Variants in RYR2 observed in about 807,000 individuals in gnomAD.
The protein encoded by RYR2 is cardiac muscle ryanodine receptor-calcium release channel.
In RYR2, 227 loss-of-function variants were observed where a neutral mutation model predicts 601.1. That is an observed-to-expected ratio of 0.38 (90% CI 0.34 to 0.42). The LOEUF is 0.42. Ranked by LOEUF, RYR2 falls within the 10% of genes least tolerant of loss-of-function variation. The pLI is 1.00. For synonymous variants in RYR2, 2,223 were observed against 2,175.1 expected (o/e 1.02, Z -0.61); for missense variants, 4,646 against 6,156.5 (o/e 0.75, Z 8.21).
intron 58 of RYR2, among the ~76,000 whole-genome samples, chr1:237,672,621 C>G (rs187367490): frequency 6.6e-6 from 1 of 152,238 alleles, no homozygotes; most frequent in Admixed American, 6.5e-5. Flanking sequence ...AAAAACTGCT[C>G]TTGTAGCTAT....
rs2149437588 is a variant in RYR2 at position 237,806,206 on chromosome 1, G to A, written c.14221G>A (p.Ala4741Thr). Residue 4741 changes from alanine (A) to threonine (T), a missense_variant, in exon 99 of 105, where the codon GCT (alanine) becomes ACT (threonine). Physicochemically the swap from Ala to Thr is moderately conservative, Grantham distance 58. Around this residue, in one of 17 missense-constraint regions of RYR2, gnomAD observed 76 missense variants for 97.4 expected, o/e 0.78. Transcript: ENST00000366574. Reference sequence around the variant, plus strand: ...ACACTATAACAACTTTTTTTTTGCCGCTCACCTTCTCGACATTGCTATGGG... The same window carrying A: ...ACACTATAACAACTTTTTTTTTGCCACTCACCTTCTCGACATTGCTATGGG... ...LGHYNNFFFA[A>T]HLLDIAMGFK... The A allele has an allele frequency of 1.2e-6, 2 of 1,611,422 alleles. No individual in the cohort carries two copies. The highest frequency in any genetic ancestry group is 8.5e-7 in the Non-Finnish European group (1 of 1,178,504).
Position 237,374,808 on chromosome 1 carries a change from T to A in RYR2, c.463+13T>A. ...GAGGACACCACAGGTAAGCATCTTG[T>A]GCTGCGGGAAGCCAGGTTCAGAGAG... On this transcript the variant is annotated intron_variant, in intron 7 of 104. Coordinates refer to ENST00000366574, the MANE Select transcript of RYR2 (RefSeq NM_001035.3). The A allele has an allele frequency of 6.2e-7, 1 of 1,606,998 alleles. No individual in the cohort carries two copies. The highest frequency in any genetic ancestry group is 1.3e-5 in the African/African-American group (1 of 74,948).
At chr1:237,341,524 G>T in intron 3 of RYR2, 2 of 394,176 alleles carry the variant, frequency 5.1e-6, no homozygotes, top group South Asian at 3.7e-5. Context: ...ATGTATTCGC[G>T]GTCTGTTTAT....
intron 17 of RYR2, among the ~76,000 whole-genome samples, chr1:237,470,160 A>AT (rs752852829): frequency 6.6e-6 from 1 of 152,120 alleles, no homozygotes; most frequent in Non-Finnish European, 1.5e-5. Context: ...CTTCTTGAAG[A>AT]TAGGGGCATG....
chr1:237,779,556 G>C (rs1005064201), intron 88 of RYR2, among the ~76,000 whole-genome samples: 1 of 152,162 alleles, frequency 6.6e-6, no homozygotes, highest in Non-Finnish European at 1.5e-5. Context: ...TGTTCCACCC[G>C]TGTGGGCCAG....
chr1:237,089,745 G>A (rs1666751770), intron 1 of RYR2, among the ~76,000 whole-genome samples: 1 of 152,204 alleles, frequency 6.6e-6, no homozygotes, highest in South Asian at 2.1e-4. Context: ...ATGCTGAAAT[G>A]CAAAATGCAA....
At chr1:237,711,334 G>A (rs1208438056) in intron 70 of RYR2, among the ~76,000 whole-genome samples, 1 of 152,072 alleles carries the variant, frequency 6.6e-6, no homozygotes, top group Non-Finnish European at 1.5e-5. Flanking sequence ...TAATGATATG[G>A]TATTTTAAAA....
chr1:237,382,048 AAATG>A (rs1203110349), intron 8 of RYR2, among the ~76,000 whole-genome samples: 2 of 152,234 alleles, frequency 1.3e-5, no homozygotes, highest in Non-Finnish European at 2.9e-5. Context: ...AAACTAAACA[AAATG>A]AATCTTACAA....
At chr1:237,248,154 C>T (rs2149261786) in intron 1 of RYR2, among the ~76,000 whole-genome samples, 1 of 151,940 alleles carries the variant, frequency 6.6e-6, no homozygotes, top group Non-Finnish European at 1.5e-5. Context: ...CTCCTGTAAT[C>T]CCAGCTACTC....
At chr1:237,621,142 A>G (rs1288228134) in intron 38 of RYR2, among the ~76,000 whole-genome samples, 1 of 152,184 alleles carries the variant, frequency 6.6e-6, no homozygotes, top group Non-Finnish European at 1.5e-5. Flanking sequence ...TAGAGATACT[A>G]AACAACACAC....
chr1:237,749,283 A>G (rs925747916), intron 80 of RYR2, among the ~76,000 whole-genome samples: 7 of 152,216 alleles, frequency 4.6e-5, no homozygotes, highest in Non-Finnish European at 1.0e-4. Context: ...TTGAACTTCT[A>G]GCTGTGTGAG....
intron 1 of RYR2, among the ~76,000 whole-genome samples, chr1:237,134,870 G>C (rs762437125): frequency 3.3e-5 from 5 of 152,158 alleles, no homozygotes; most frequent in Non-Finnish European, 2.9e-5. Context: ...GGGAAATTGA[G>C]TCATAGATCA....
At chr1:237,049,297 T>G (rs1345938208) in intron 1 of RYR2, among the ~76,000 whole-genome samples, 1 of 152,136 alleles carries the variant, frequency 6.6e-6, no homozygotes, top group African/African-American at 2.4e-5. Context: ...GGGGGTGAGG[T>G]GACTTCCAGG....
At chr1:237,767,012 A>T (rs1693896635) in intron 84 of RYR2, among the ~76,000 whole-genome samples, 1 of 150,218 alleles carries the variant, frequency 6.7e-6, no homozygotes, top group African/African-American at 2.5e-5. Flanking sequence ...CTTCACATTT[A>T]TTTCTTTTGT....
intron 3 of RYR2, among the ~76,000 whole-genome samples, chr1:237,344,100 G>A (rs1698079148): frequency 6.6e-6 from 1 of 152,210 alleles, no homozygotes. Context: ...TGGGATTACA[G>A]GCGTGAGCCA....
intron 1 of RYR2, among the ~76,000 whole-genome samples, chr1:237,175,478 G>A (rs748125110): frequency 6.6e-6 from 1 of 151,732 alleles, no homozygotes; most frequent in Non-Finnish European, 1.5e-5. Flanking sequence ...TTTTTTCAGT[G>A]TATGTCTGTC....
At chr1:237,535,321 G>T (rs2147977561) in intron 25 of RYR2, among the ~76,000 whole-genome samples, 1 of 151,998 alleles carries the variant, frequency 6.6e-6, no homozygotes, top group East Asian at 1.9e-4. Context: ...AAACAATTTT[G>T]TTAGCAAACT....
At chr1:237,442,478 G>A (rs778480632) in intron 13 of RYR2, among the ~76,000 whole-genome samples, 1 of 152,072 alleles carries the variant, frequency 6.6e-6, no homozygotes, top group Non-Finnish European at 1.5e-5. Context: ...TATGCAGTCA[G>A]ACATCCACAG....
intron 19 of RYR2, among the ~76,000 whole-genome samples, chr1:237,495,624 A>G (rs1663990979): frequency 6.6e-6 from 1 of 152,186 alleles, no homozygotes; most frequent in African/African-American, 2.4e-5. Context: ...TCTACCTAGT[A>G]TTACCATAGG....
Sources: allele counts gnomAD v4.1 joint callset (sites outside exome capture counted in the v4.1 genomes callset), GRCh38; gene constraint gnomAD v4.1.1; regional missense constraint gnomAD v4.1.1; transcripts MANE v1.5; gene names NCBI Gene and HGNC (gene_info 2026-07-23, HGNC 2026-07-21).